The following SPRED2 variants were observed in gnomAD, a reference collection of about 807,000 sequenced individuals.
The protein encoded by SPRED2 is sprouty related EVH1 domain containing 2, also known as sprouty-related, EVH1 domain-containing protein 2.
In SPRED2, 47 loss-of-function variants were observed where a neutral mutation model predicts 43.0. That is an observed-to-expected ratio of 1.09 (90% CI 0.87 to 1.40). The LOEUF (loss-of-function observed/expected upper bound fraction) is 1.40, where lower values mean the gene tolerates loss of function less well. Ranked by LOEUF, SPRED2 falls within the 40% of genes most tolerant of loss-of-function variation. The pLI, the probability that SPRED2 is intolerant of heterozygous loss-of-function variation, is 0.00. For missense variants in SPRED2, 561 were observed against 586.4 expected (o/e 0.96, Z 0.45); for synonymous variants, 225 against 225.7 (o/e 1.00, Z 0.03).
intron 2 of SPRED2, among the ~76,000 whole-genome samples, chr2:65,336,025 T>A (rs982743532): frequency 6.6e-6 from 1 of 152,290 alleles, no homozygotes; most frequent in African/African-American, 2.4e-5. Flanking sequence ...TTAGAGAATA[T>A]CTTTAAATAA....
In SPRED2 at chr2:65,313,326, A is replaced by T; in HGVS notation, c.*175T>A. The T allele has an allele frequency of 2.1e-6, 3 of 1,449,672 alleles. No individual in the cohort carries two copies. Among genetic ancestry groups the T allele is most frequent in the Non-Finnish European group, 2.7e-6 (3 of 1,109,230 alleles). 89.8% of individuals were successfully genotyped at this position (1,449,672 alleles called of 1,614,324 possible). A position where few individuals can be genotyped will look rare whatever the true frequency, so the allele number is the denominator to read the frequency against. Reference sequence around the variant, plus strand: ...GCAGTGTGGGCGGCAGGGGGAGTGGAGAGTCTACCCGGCAGCGTCCCTGGC... The same window carrying T: ...GCAGTGTGGGCGGCAGGGGGAGTGGTGAGTCTACCCGGCAGCGTCCCTGGC... On this transcript the variant is annotated 3_prime_UTR_variant, in exon 6 of 6. Transcript: ENST00000356388.
chr2:65,379,770 A>T (rs268140), intron 1 of SPRED2, among the ~76,000 whole-genome samples: 131,023 of 152,192 alleles, frequency 0.86, 56,837 homozygotes, highest in East Asian at 0.92. Flanking sequence ...TCCACAGCAA[A>T]GTCCTCTAAG....
At chr2:65,377,207 G>A (rs1255859140) in intron 1 of SPRED2, among the ~76,000 whole-genome samples, 2 of 152,158 alleles carry the variant, frequency 1.3e-5, no homozygotes, top group Admixed American at 6.5e-5. Context: ...TACATATTAA[G>A]ATGCTTGTTT....
chr2:65,308,011 A>G (rs1672977831), downstream of SPRED2, among the ~76,000 whole-genome samples: 1 of 142,224 alleles, frequency 7.0e-6, no homozygotes, highest in Admixed American at 7.1e-5. Flanking sequence ...ATACATAACC[A>G]ACAAAACCCA....
chr2:65,331,866 G>A (rs572174029), intron 4 of SPRED2, 121 bp downstream of exon 4: 32 of 720,370 alleles, frequency 4.4e-5, no homozygotes, highest in African/African-American at 4.4e-4. Flanking sequence ...AGATCGCTCT[G>A]ATGCCATCCA....
At chr2:65,398,323 C>T (rs1675805130) in intron 1 of SPRED2, among the ~76,000 whole-genome samples, 1 of 152,172 alleles carries the variant, frequency 6.6e-6, no homozygotes, top group Non-Finnish European at 1.5e-5. Flanking sequence ...TAGACATTGG[C>T]TTAGGCAAAG....
intron 1 of SPRED2, among the ~76,000 whole-genome samples, chr2:65,348,000 G>C (rs1245745645): frequency 6.6e-6 from 1 of 152,044 alleles, no homozygotes; most frequent in Non-Finnish European, 1.5e-5. Context: ...AGGTAAGTCA[G>C]ATCATTCTAC....
intron 4 of SPRED2, among the ~76,000 whole-genome samples, chr2:65,325,489 C>T (rs1163717527): frequency 6.6e-6 from 1 of 152,168 alleles, no homozygotes; most frequent in Non-Finnish European, 1.5e-5. Flanking sequence ...CTTTTGGGGG[C>T]CTCAGTTTTC....
rs1668876465 is a variant in SPRED2 at position 65,432,079 on chromosome 2, G to A, written c.-92C>T. The A allele has an allele frequency of 1.3e-6, 2 of 1,540,364 alleles. No individual in the cohort carries two copies. Among genetic ancestry groups the A allele is most frequent in the Non-Finnish European group, 1.8e-6 (2 of 1,122,336 alleles). ...CGCCCCCCTTCTTCACATCTCCGGA[G>A]ATCGCCTGATTTGGGGAGGGGGGGC... On this transcript the variant is annotated 5_prime_UTR_variant, in exon 1 of 6. Transcript: ENST00000356388.
At chr2:65,415,479 A>T (rs1483372133) in intron 1 of SPRED2, among the ~76,000 whole-genome samples, 1 of 152,164 alleles carries the variant, frequency 6.6e-6, no homozygotes, top group Admixed American at 6.5e-5. Context: ...AAATATAAGG[A>T]ATTATTCCTG....
downstream of SPRED2, among the ~76,000 whole-genome samples, chr2:65,307,549 CAAAAAA>C (rs55812957): frequency 9.6e-6 from 1 of 104,144 alleles, no homozygotes; most frequent in Non-Finnish European, 2.0e-5. Context: ...AACCCCTTCT[CAAAAAA>C]AAAAAAAAAA....
intron 1 of SPRED2, among the ~76,000 whole-genome samples, chr2:65,346,242 C>T (rs1674345358): frequency 6.6e-6 from 1 of 152,172 alleles, no homozygotes; most frequent in Admixed American, 6.5e-5. Context: ...CCCTCCACTG[C>T]CACCCAACTG....
intron 1 of SPRED2, among the ~76,000 whole-genome samples, chr2:65,427,106 C>T (rs1403184063): frequency 6.6e-6 from 1 of 152,082 alleles, no homozygotes; most frequent in Non-Finnish European, 1.5e-5. Context: ...GGGTGTCACT[C>T]TGTCGCCCAG....
chr2:65,326,483 A>G (rs1673620788), intron 4 of SPRED2, among the ~76,000 whole-genome samples: 1 of 152,216 alleles, frequency 6.6e-6, no homozygotes, highest in African/African-American at 2.4e-5. Context: ...GAGACAGCAG[A>G]TCAGGAAGTA....
intron 1 of SPRED2, among the ~76,000 whole-genome samples, chr2:65,353,940 T>C (rs7584295): frequency 0.34 from 51,690 of 152,042 alleles, 10,137 homozygotes; most frequent in East Asian, 0.78. Context: ...CCAGCTGTCC[T>C]TAGTCAAGGG....
At chr2:65,382,530 T>A (rs954707498) in intron 1 of SPRED2, among the ~76,000 whole-genome samples, 51 of 152,174 alleles carry the variant, frequency 3.4e-4, no homozygotes, top group African/African-American at 1.2e-3. Flanking sequence ...GCAGCTGAAC[T>A]CACAGCACAG....
Position 65,344,745 on chromosome 2 carries a change from GGAT to G in SPRED2, c.175_177del (p.Ile59del). 1 of 1,614,160 alleles carries G rather than the reference GGAT, an allele frequency of 6.2e-7. No individual in the cohort carries two copies. Among genetic ancestry groups the G allele is most frequent in the Non-Finnish European group, 8.5e-7 (1 of 1,180,018 alleles). ...AGTTTGTCTTTCTGTCGTTCACCAT[GGAT>G]GAGAAAGCCGCTTCGTCCATTGCCT... On this transcript the variant is annotated inframe_deletion, in exon 2 of 6. Coordinates refer to ENST00000356388, the MANE Select transcript of SPRED2 (RefSeq NM_181784.3).
chr2:65,351,344 T>C (rs1674505904), intron 1 of SPRED2, among the ~76,000 whole-genome samples: 1 of 152,206 alleles, frequency 6.6e-6, no homozygotes, highest in Non-Finnish European at 1.5e-5. Context: ...TCCCCATTTC[T>C]TTCAGGGATG....
At position 65,369,606 on chromosome 2, in the gene SPRED2, C is replaced by T. The variant is rs77099444; in HGVS notation, c.27-24710G>A. On this transcript the variant is annotated intron_variant, in intron 1 of 5. Coordinates refer to ENST00000356388, the MANE Select transcript of SPRED2 (RefSeq NM_181784.3). Reference sequence around the variant, plus strand: ...GTCGACTTGCATGCTAATGATACCACTATTTAGAAAACAACTTAATTATGC... The same window carrying T: ...GTCGACTTGCATGCTAATGATACCATTATTTAGAAAACAACTTAATTATGC... Among the ~76,000 whole-genome samples the T allele has an allele frequency of 5.3e-3, 510 of 96,282 alleles. 27 individuals carry two copies. The East Asian group carries it at 0.1, about 20-fold the overall frequency. The allele number at this position is 96,282 out of a possible 152,430, so 63.2% of individuals were successfully genotyped here.
Sources: gnomAD v4.1 joint callset for allele counts (sites outside exome capture counted in the v4.1 genomes callset) on GRCh38, gnomAD v4.1.1 for gene constraint, MANE v1.5 for transcripts, NCBI Gene and HGNC (gene_info 2026-07-23, HGNC 2026-07-21) for gene names.